The following KTN1 variants were observed in gnomAD, a reference collection of about 807,000 sequenced individuals.
KTN1 encodes the protein kinectin.
In KTN1, 130 loss-of-function variants were observed where a neutral mutation model predicts 222.5. The observed-to-expected ratio is 0.58, with a 90% CI of 0.51 to 0.68. The LOEUF is 0.68. KTN1 is among the 30% of genes least tolerant of loss of function. The probability of loss-of-function intolerance (pLI) is 0.00; values close to 1 mark genes in which losing one functional copy is unlikely to be tolerated. For synonymous variants in KTN1, 512 were observed against 496.3 expected (o/e 1.03, Z -0.42); for missense variants, 1,508 against 1,500.4 (o/e 1.01, Z -0.08).
Position 55,616,000 on chromosome 14 carries a change from C to A in KTN1, c.524-517C>A, listed in dbSNP as rs151119819. Among the ~76,000 whole-genome samples, 74 of 152,092 alleles carry A rather than the reference C, an allele frequency of 4.9e-4. 1 individual carries two copies. The East Asian group carries it at 9.5e-3, about 19-fold the overall frequency. ...TGATCTTGGCTCACTGCACCTTCGA[C>A]CTCCGGGGCTCAAGCTATCCTCCCA... On this transcript the variant is annotated intron_variant, in intron 2 of 43. Transcript: ENST00000395314.
At chr14:55,673,353 C>T (rs1012533963) in intron 40 of KTN1, 98 bp downstream of exon 40, 1 of 686,562 alleles carries the variant, frequency 1.5e-6, no homozygotes, top group African/African-American at 1.8e-5. Context: ...TTGCTAACAT[C>T]TTTAGCTTGG....
chr14:55,593,009 T>C (rs573234097), intron 1 of KTN1, among the ~76,000 whole-genome samples: 2 of 152,346 alleles, frequency 1.3e-5, no homozygotes, highest in South Asian at 4.1e-4. Flanking sequence ...TGCTTCATAC[T>C]AGGTGAATTC....
chr14:55,618,705 T>C (rs1485245792), intron 4 of KTN1, among the ~76,000 whole-genome samples: 1 of 152,188 alleles, frequency 6.6e-6, no homozygotes, highest in Admixed American at 6.5e-5. Context: ...TCAGGATGGT[T>C]TGCATATATT....
intron 1 of KTN1, among the ~76,000 whole-genome samples, chr14:55,605,262 T>A (rs2036561566): frequency 6.6e-6 from 1 of 152,176 alleles, no homozygotes; most frequent in African/African-American, 2.4e-5. Flanking sequence ...TTTTAACCTA[T>A]CCATTTGGTT....
rs961197846 is a variant in KTN1 at position 55,637,675 on chromosome 14, AAAAAAG to A, written c.1717-96_1717-91del. ...TGGAATCTAAGAATGCCTTAAAAAA[AAAAAAG>A]AAAAAGATAAACAAATGTACCTATA... On this transcript the variant is annotated intron_variant, in intron 11 of 43. Transcript: ENST00000395314. 6.0e-6 allele frequency: 5 copies of A among 836,610 alleles called. No homozygotes were observed. The African/African-American group carries it at 6.8e-5, about 11-fold the overall frequency. 51.8% of individuals were successfully genotyped at this position (836,610 alleles called of 1,614,324 possible).
At chr14:55,622,244 G>C (rs2039247636) in intron 5 of KTN1, among the ~76,000 whole-genome samples, 1 of 152,080 alleles carries the variant, frequency 6.6e-6, no homozygotes, top group South Asian at 2.1e-4. Context: ...GTGATTTCTG[G>C]ATAGCATGTA....
chr14:55,638,875 G>T (rs961254693), intron 12 of KTN1, among the ~76,000 whole-genome samples: 5 of 151,780 alleles, frequency 3.3e-5, no homozygotes, highest in Non-Finnish European at 7.4e-5. Flanking sequence ...AGAAACACAG[G>T]ATGACAAATG....
chr14:55,654,411 A>G (rs115911769), intron 28 of KTN1, among the ~76,000 whole-genome samples: 1,611 of 152,288 alleles, frequency 0.011, 27 homozygotes, highest in African/African-American at 0.037. Context: ...TCTTTTGGCT[A>G]TGGTGTAACT....
intron 1 of KTN1, among the ~76,000 whole-genome samples, chr14:55,605,000 A>G (rs1220561393): frequency 6.6e-6 from 1 of 152,158 alleles, no homozygotes; most frequent in African/African-American, 2.4e-5. Flanking sequence ...TATTTTCTTC[A>G]AAATCTGATC....
chr14:55,591,888 T>C (rs1490126400), intron 1 of KTN1, among the ~76,000 whole-genome samples: 1 of 152,192 alleles, frequency 6.6e-6, no homozygotes, highest in East Asian at 1.9e-4. Flanking sequence ...GCATTTCTGA[T>C]TAATGAGAGA....
intron 1 of KTN1, among the ~76,000 whole-genome samples, chr14:55,595,343 G>A (rs2034845504): frequency 6.6e-6 from 1 of 152,204 alleles, no homozygotes; most frequent in Non-Finnish European, 1.5e-5. Flanking sequence ...CCATTTTGAT[G>A]AAAACCAGTT....
At chr14:55,681,544 C>T (rs946473527) in intron 43 of KTN1, 2 of 151,952 alleles carry the variant, frequency 1.3e-5, no homozygotes, top group African/African-American at 4.8e-5. Context: ...GATAATAACA[C>T]TTTTTCTTTT....
chr14:55,597,158 A>G (rs1368857907), intron 1 of KTN1, among the ~76,000 whole-genome samples: 1 of 152,106 alleles, frequency 6.6e-6, no homozygotes, highest in Non-Finnish European at 1.5e-5. Flanking sequence ...TGTGCGTTGG[A>G]CTCTGTGTTG....
chr14:55,629,969 G>A lies in KTN1; in HGVS notation c.1093G>A (p.Glu365Lys). 1 of 1,591,860 alleles carries A rather than the reference G, an allele frequency of 6.3e-7. No individual in the cohort carries two copies. The highest frequency in any genetic ancestry group is 8.6e-7 in the Non-Finnish European group (1 of 1,161,614). The change falls in exon 7 of 44, where the codon GAG becomes AAG. Residue 365 changes from glutamate (E) to lysine (K), a missense_variant. Physicochemically the swap from Glu to Lys is moderately conservative, Grantham distance 56. Transcript: ENST00000395314. Reference sequence around the variant, plus strand: ...GATATTCTTTTAGGAAATGATGACAGAGAAAGAAAGAAGCAATGTGGTTAT... The same window carrying A: ...GATATTCTTTTAGGAAATGATGACAAAGAAAGAAAGAAGCAATGTGGTTAT... ...CKQLTQEMMT[E>K]KERSNVVITR...
chr14:55,598,085 A>G (rs1336005033), intron 1 of KTN1, among the ~76,000 whole-genome samples: 1 of 152,168 alleles, frequency 6.6e-6, no homozygotes, highest in Non-Finnish European at 1.5e-5. Flanking sequence ...TGCATTCCTG[A>G]AAAGTTTATT....
Position 55,673,229 on chromosome 14 carries a change from G to A in KTN1, c.3745G>A (p.Val1249Ile), listed in dbSNP as rs1349014449. 4 of 1,612,378 alleles carry A rather than the reference G, an allele frequency of 2.5e-6. No individual in the cohort carries two copies. Among genetic ancestry groups the A allele is most frequent in the Non-Finnish European group, 3.4e-6 (4 of 1,178,892 alleles). Reference protein sequence around the residue: ...KKLDDSYSEAVRQNEELNLLK... With the variant: ...KKLDDSYSEAIRQNEELNLLK... ...ACTTGATGATTCATATTCTGAAGCA[G>A]TAAGACAGAATGAAGAGCTAAATTT... The change falls in exon 40 of 44, where the codon GTA (valine) becomes ATA (isoleucine). Residue 1249 changes from valine to isoleucine, a missense_variant. Physicochemically the swap from Val to Ile is conservative, Grantham distance 29. Coordinates refer to ENST00000395314, the MANE Select transcript of KTN1 (RefSeq NM_001079521.2).
At chr14:55,679,847 A>G in intron 43 of KTN1, 162 bp downstream of exon 43, 1 of 717,536 alleles carries the variant, frequency 1.4e-6, no homozygotes, top group South Asian at 1.9e-5. Flanking sequence ...CTTTAGTTCT[A>G]TTTTGTGCAT....
In KTN1 at chr14:55,652,853, A is replaced by G. The variant is rs1416111220; in HGVS notation, c.2607A>G (p.Leu869=). The change falls in exon 26 of 44, where the codon TTA becomes TTG. Residue 869 remains leucine, a synonymous_variant. Transcript: ENST00000395314. ...TSKVQELQNL[L]KGKEEQMNTM... ...GTTCTGATTAATTTATTATCAGATTAAAAGGAAAAGAGGAACAGATGAATA... is the reference window on the plus strand; with the variant it reads ...GTTCTGATTAATTTATTATCAGATTGAAAGGAAAAGAGGAACAGATGAATA... The G allele has an allele frequency of 6.3e-7, 1 of 1,586,434 alleles. No homozygotes were observed. Among genetic ancestry groups the G allele is most frequent in the East Asian group, 2.2e-5 (1 of 44,622 alleles).
intron 33 of KTN1, 53 bp from the exon 34 acceptor site, chr14:55,667,188 T>A (rs1359922013): frequency 3.5e-6 from 4 of 1,144,344 alleles, no homozygotes; most frequent in Non-Finnish European, 3.8e-6. Flanking sequence ...TTTTCTTTTT[T>A]TAAAAACATT....
Sources: gnomAD v4.1 joint callset for allele counts (sites outside exome capture counted in the v4.1 genomes callset) on GRCh38, gnomAD v4.1.1 for gene constraint, MANE v1.5 for transcripts, NCBI Gene and HGNC (gene_info 2026-07-23, HGNC 2026-07-21) for gene names.